Variants in NEGR1 observed in about 807,000 individuals in gnomAD.
The protein encoded by NEGR1 is IgLON family member 4.
A neutral mutation model predicts 40.9 loss-of-function variants in NEGR1; 10 were observed. The ratio of observed to expected loss-of-function variants is 0.24; its 90% confidence interval spans 0.15 to 0.42. The LOEUF (loss-of-function observed/expected upper bound fraction) is 0.42, where lower values mean the gene tolerates loss of function less well. Ranked by LOEUF, NEGR1 falls within the 10% of genes least tolerant of loss-of-function variation. The pLI is 1.00. For synonymous variants in NEGR1, 185 were observed against 166.8 expected (o/e 1.11, Z -0.84); for missense variants, 352 against 438.9 (o/e 0.80, Z 1.77).
At chr1:71,758,309 G>T (rs896050399) in intron 3 of NEGR1, among the ~76,000 whole-genome samples, 2 of 151,926 alleles carry the variant, frequency 1.3e-5, no homozygotes, top group African/African-American at 4.8e-5. Flanking sequence ...ATGTTTAAAA[G>T]ATTAATCAGA....
chr1:71,525,858 TTTGATTTAACATATTAAATACTTGTG>T (rs1268959525), intron 6 of NEGR1, among the ~76,000 whole-genome samples: 2 of 151,772 alleles, frequency 1.3e-5, no homozygotes, highest in African/African-American at 4.8e-5. Flanking sequence ...ATAACAATCA[TTTGATTTAACATATTAAATACTTGTG>T]ATTAGTACAC....
chr1:71,862,028 A>C (rs140704538), intron 2 of NEGR1, among the ~76,000 whole-genome samples: 6 of 152,108 alleles, frequency 3.9e-5, no homozygotes, highest in Non-Finnish European at 5.9e-5. Flanking sequence ...AATATTTCTT[A>C]ATGTGTTAGA....
chr1:71,945,999 T>C (rs1047055092), intron 1 of NEGR1, among the ~76,000 whole-genome samples: 8 of 152,312 alleles, frequency 5.3e-5, no homozygotes, highest in African/African-American at 1.9e-4. Context: ...AGCACACTGA[T>C]CTTCCCAAGC....
At chr1:72,256,633 A>G (rs1019975135) in intron 1 of NEGR1, among the ~76,000 whole-genome samples, 4 of 152,240 alleles carry the variant, frequency 2.6e-5, no homozygotes, top group Non-Finnish European at 4.4e-5. Flanking sequence ...GGAGAAGAAA[A>G]TTAATGAGCT....
chr1:71,494,482 G>T (rs949694394), intron 6 of NEGR1, among the ~76,000 whole-genome samples: 3 of 152,146 alleles, frequency 2.0e-5, no homozygotes, highest in African/African-American at 7.2e-5. Flanking sequence ...CTCAGACTCT[G>T]CCCTATGTAT....
intron 1 of NEGR1, among the ~76,000 whole-genome samples, chr1:72,261,607 C>T (rs111344634): frequency 2.0e-3 from 311 of 151,890 alleles, no homozygotes; most frequent in African/African-American, 6.8e-3. Context: ...TTGTGGTGTC[C>T]GGCACCACTT....
At chr1:71,424,972 T>C (rs1052254520) in intron 6 of NEGR1, among the ~76,000 whole-genome samples, 1 of 152,212 alleles carries the variant, frequency 6.6e-6, no homozygotes, top group African/African-American at 2.4e-5. Flanking sequence ...AGTAAATTTA[T>C]GTTCTTTAAG....
At chr1:71,684,870 T>G (rs1166788075) in intron 4 of NEGR1, among the ~76,000 whole-genome samples, 1 of 152,218 alleles carries the variant, frequency 6.6e-6, no homozygotes, top group Non-Finnish European at 1.5e-5. Flanking sequence ...ATTACTAGGC[T>G]TTGTACTGTG....
At chr1:72,134,644 CTTTT>C (rs57127142) in intron 1 of NEGR1, among the ~76,000 whole-genome samples, 80 of 146,414 alleles carry the variant, frequency 5.5e-4, no homozygotes, top group African/African-American at 8.8e-4. Context: ...TAGAGGTTTC[CTTTT>C]TTTTTTTTTT....
chr1:71,668,651 C>T (rs1043794694), intron 4 of NEGR1, among the ~76,000 whole-genome samples: 1 of 151,986 alleles, frequency 6.6e-6, no homozygotes, highest in Non-Finnish European at 1.5e-5. Context: ...GCATCCTTTA[C>T]CTAGAGCCTG....
chr1:71,620,176 T>A (rs146496034), intron 4 of NEGR1, among the ~76,000 whole-genome samples: 1 of 152,110 alleles, frequency 6.6e-6, no homozygotes, highest in Non-Finnish European at 1.5e-5. Context: ...AGAAGAGTAG[T>A]AATGTGTTTC....
intron 1 of NEGR1, among the ~76,000 whole-genome samples, chr1:72,252,674 G>A (rs939747622): frequency 6.6e-6 from 1 of 152,160 alleles, no homozygotes; most frequent in African/African-American, 2.4e-5. Flanking sequence ...ATGAGGGAGA[G>A]AGAGACGGAG....
At chr1:71,682,766 C>A (rs1364582743) in intron 4 of NEGR1, among the ~76,000 whole-genome samples, 1 of 152,148 alleles carries the variant, frequency 6.6e-6, no homozygotes, top group Non-Finnish European at 1.5e-5. Flanking sequence ...GGGGGCAGGG[C>A]TTTCATGAAG....
intron 1 of NEGR1, among the ~76,000 whole-genome samples, chr1:72,041,386 T>A (rs1157800177): frequency 6.6e-6 from 1 of 151,596 alleles, no homozygotes; most frequent in Admixed American, 6.6e-5. Context: ...TTTACACTTT[T>A]AAAAATATTA....
chr1:71,488,270 T>C (rs957389632), intron 6 of NEGR1: 3 of 151,804 alleles, frequency 2.0e-5, no homozygotes, highest in Non-Finnish European at 4.4e-5. Flanking sequence ...ATCCAGCTTC[T>C]TTATATTGGC....
chr1:72,275,698 G>A (rs371199038), intron 1 of NEGR1, among the ~76,000 whole-genome samples: 3 of 152,062 alleles, frequency 2.0e-5, no homozygotes, highest in Non-Finnish European at 4.4e-5. Context: ...TGTACCAATA[G>A]TAGGACTCAA....
At chr1:71,745,454 T>G (rs1655351809) in intron 3 of NEGR1, among the ~76,000 whole-genome samples, 2 of 152,188 alleles carry the variant, frequency 1.3e-5, no homozygotes, top group African/African-American at 4.8e-5. Context: ...ATTTGATTGC[T>G]CACACTATAT....
At chr1:71,458,488 A>G (rs761880645) in intron 6 of NEGR1, among the ~76,000 whole-genome samples, 2 of 152,180 alleles carry the variant, frequency 1.3e-5, no homozygotes, top group Non-Finnish European at 2.9e-5. Flanking sequence ...CTAATTAAAT[A>G]TTTATTTTTG....
At chr1:71,456,527 C>T (rs145307044) in intron 6 of NEGR1, among the ~76,000 whole-genome samples, 36 of 152,302 alleles carry the variant, frequency 2.4e-4, no homozygotes, top group African/African-American at 8.7e-4. Flanking sequence ...TCTGCTCAGA[C>T]TGTAAGGGTC....
Sources: gnomAD v4.1 joint callset for allele counts (sites outside exome capture counted in the v4.1 genomes callset) on GRCh38, gnomAD v4.1.1 for gene constraint, MANE v1.5 for transcripts, NCBI Gene and HGNC (gene_info 2026-07-23, HGNC 2026-07-21) for gene names.